TP63: variants seen among roughly 807,000 people sequenced by gnomAD.
TP63 encodes the protein tumor protein p63, also known as tumor protein 63.
In TP63, 17 loss-of-function variants were observed where a neutral mutation model predicts 82.8. The observed-to-expected ratio is 0.21, with a 90% CI of 0.14 to 0.31. TP63 has a LOEUF of 0.31. TP63 is among the 10% of genes least tolerant of loss of function. The probability of loss-of-function intolerance (pLI) is 1.00; values close to 1 mark genes in which losing one functional copy is unlikely to be tolerated. For missense variants in TP63, 648 were observed against 895.3 expected, an observed-to-expected ratio of 0.72 and a Z score of 3.52; for synonymous variants, 330 against 321.7, an observed-to-expected ratio of 1.03 and a Z score of -0.28.
intron 4 of TP63, among the ~76,000 whole-genome samples, chr3:189,810,072 A>G (rs1006354653): frequency 3.3e-5 from 5 of 152,186 alleles, no homozygotes; most frequent in Non-Finnish European, 5.9e-5. Flanking sequence ...CCGGTGGCTC[A>G]TATTTCAACT....
At chr3:189,696,155 A>C (rs1347316544) in intron 1 of TP63, among the ~76,000 whole-genome samples, 2 of 152,126 alleles carry the variant, frequency 1.3e-5, no homozygotes, top group East Asian at 3.9e-4. Context: ...AATATACCAT[A>C]CAGAAGATTT....
At chr3:189,733,437 A>ATATCATTAT (rs1560143150) in intron 1 of TP63, among the ~76,000 whole-genome samples, 1 of 152,122 alleles carries the variant, frequency 6.6e-6, no homozygotes, top group African/African-American at 2.4e-5. Flanking sequence ...TCACACACTA[A>ATATCATTAT]TATCATTATT....
intron 4 of TP63, among the ~76,000 whole-genome samples, chr3:189,819,005 C>G (rs920676318): frequency 2.6e-5 from 4 of 152,082 alleles, no homozygotes; most frequent in Non-Finnish European, 5.9e-5. Flanking sequence ...TATACAAAAC[C>G]ATGGATTTAG....
chr3:189,793,096 A>T (rs1725326475), intron 3 of TP63, among the ~76,000 whole-genome samples: 2 of 151,856 alleles, frequency 1.3e-5, no homozygotes, highest in South Asian at 4.2e-4. Context: ...CGTATTCCTC[A>T]CTCCATGCTG....
chr3:189,642,966 TCC>T lies in TP63; in HGVS notation c.62+11390_62+11391del, dbSNP rs1276305904. 2.0e-5 allele frequency among the ~76,000 whole-genome samples: 3 copies of T among 148,128 alleles called. No individual in the cohort carries two copies. In the Admixed American group the frequency reaches 2.1e-4, roughly 10 times the overall value. ...GTATCACTCACACCCTTAACTTAATTCCAGACAGCCAAATTTATTTATTTATT... is the reference window on the plus strand; with the variant it reads ...GTATCACTCACACCCTTAACTTAATTAGACAGCCAAATTTATTTATTTATT... On this transcript the variant is annotated intron_variant, in intron 1 of 13. Transcript: ENST00000264731.
chr3:189,666,987 A>C (rs926605812), intron 1 of TP63, among the ~76,000 whole-genome samples: 1 of 150,050 alleles, frequency 6.7e-6, no homozygotes, highest in Non-Finnish European at 1.5e-5. Context: ...AAAACTTTTC[A>C]GGCCTTGAAC....
chr3:189,876,480 G>A (rs998517199), intron 10 of TP63, among the ~76,000 whole-genome samples: 1 of 152,096 alleles, frequency 6.6e-6, no homozygotes, highest in Non-Finnish European at 1.5e-5. Context: ...TTTTGCATGT[G>A]TGGCCACAGA....
At chr3:189,885,223 A>C (rs1720318581) in intron 10 of TP63, among the ~76,000 whole-genome samples, 1 of 152,222 alleles carries the variant, frequency 6.6e-6, no homozygotes, top group Non-Finnish European at 1.5e-5. Flanking sequence ...TTCTGTGGTC[A>C]CAGTAATTCA....
At chr3:189,743,663 C>A (rs1403195259) in intron 3 of TP63, among the ~76,000 whole-genome samples, 1 of 152,174 alleles carries the variant, frequency 6.6e-6, no homozygotes, top group Non-Finnish European at 1.5e-5. Flanking sequence ...ATCATAGGCA[C>A]CTACTCCATG....
chr3:189,823,386 A>C (rs749213214), intron 4 of TP63, among the ~76,000 whole-genome samples: 3 of 152,178 alleles, frequency 2.0e-5, no homozygotes, highest in Non-Finnish European at 2.9e-5. Flanking sequence ...AAGTAGATTA[A>C]CCTGACAGCA....
At chr3:189,604,126 TTC>T in the TP63 span, among the ~76,000 whole-genome samples, 5 of 152,144 alleles carry the variant, frequency 3.3e-5, no homozygotes, top group African/African-American at 9.7e-5. Flanking sequence ...AGTCAGACAA[TTC>T]TGAGCCTGAA....
At chr3:189,849,634 T>G (rs1715371003) in intron 4 of TP63, among the ~76,000 whole-genome samples, 1 of 152,180 alleles carries the variant, frequency 6.6e-6, no homozygotes, top group East Asian at 1.9e-4. Context: ...CCTTTTGCTT[T>G]TTTTTCAAGA....
intron 1 of TP63, among the ~76,000 whole-genome samples, chr3:189,662,541 A>G (rs1714018363): frequency 6.6e-6 from 1 of 152,186 alleles, no homozygotes; most frequent in South Asian, 2.1e-4. Flanking sequence ...TTAAACAAAT[A>G]GGCTTCTTTC....
chr3:189,736,571 T>G (rs1216257033), intron 1 of TP63, among the ~76,000 whole-genome samples: 2 of 152,154 alleles, frequency 1.3e-5, no homozygotes, highest in African/African-American at 4.8e-5. Flanking sequence ...TTTCCTGTCT[T>G]TCCTTCTATA....
chr3:189,764,755 A>C (rs1037332163), intron 3 of TP63, among the ~76,000 whole-genome samples: 7 of 152,160 alleles, frequency 4.6e-5, no homozygotes, highest in Admixed American at 2.6e-4. Flanking sequence ...TATTCAAGTC[A>C]TTTCTCACCA....
In TP63 at chr3:189,881,060, T is replaced by C. The variant is rs1206374699; in HGVS notation, c.1350-5334T>C. 4 of 985,310 alleles carry C rather than the reference T, an allele frequency of 4.1e-6. No homozygotes were observed. In the African/African-American group the frequency reaches 7.0e-5, roughly 17 times the overall value. 61.0% of individuals were successfully genotyped at this position (985,310 alleles called of 1,614,324 possible). A position where few individuals can be genotyped will look rare whatever the true frequency, so the allele number is the denominator to read the frequency against. On this transcript the variant is annotated intron_variant, in intron 10 of 13. Coordinates refer to ENST00000264731, the MANE Select transcript of TP63 (RefSeq NM_003722.5). Reference sequence around the variant, plus strand: ...CATTATTCAAAGCTCAAAATAGAATTTGAAGCCCTCTCACAAAATCTGTGA... The same window carrying C: ...CATTATTCAAAGCTCAAAATAGAATCTGAAGCCCTCTCACAAAATCTGTGA...
chr3:189,774,096 G>C (rs1043984381), intron 3 of TP63, among the ~76,000 whole-genome samples: 3 of 151,660 alleles, frequency 2.0e-5, no homozygotes, highest in African/African-American at 7.3e-5. Context: ...CTAATTTTTT[G>C]TATTTTTAGT....
At chr3:189,890,600 C>G (rs1463877486) in intron 12 of TP63, among the ~76,000 whole-genome samples, 189 bp from the exon 13 acceptor site, 4 of 152,118 alleles carry the variant, frequency 2.6e-5, no homozygotes, top group Non-Finnish European at 4.4e-5. Context: ...TTTCTGTAGA[C>G]CTAAACTTCA....
At chr3:189,791,034 C>CA (rs1725084355) in intron 3 of TP63, among the ~76,000 whole-genome samples, 1 of 152,128 alleles carries the variant, frequency 6.6e-6, no homozygotes, top group Non-Finnish European at 1.5e-5. Flanking sequence ...TGCTTGTCCT[C>CA]AGTAGAGAAA....
Sources: gnomAD v4.1 joint callset for allele counts (sites outside exome capture counted in the v4.1 genomes callset) on GRCh38, gnomAD v4.1.1 for gene constraint, MANE v1.5 for transcripts, NCBI Gene and HGNC (gene_info 2026-07-23, HGNC 2026-07-21) for gene names.